MCM6: variants seen among roughly 807,000 people sequenced by gnomAD.
MCM6 encodes the protein DNA replication licensing factor MCM6.
In MCM6, 46 loss-of-function variants were observed where a neutral mutation model predicts 94.3. The observed-to-expected ratio is 0.49, with a 90% CI of 0.39 to 0.62. The LOEUF is 0.62. Ranked by LOEUF, MCM6 falls within the 20% of genes least tolerant of loss-of-function variation. The pLI is 0.00. For synonymous variants in MCM6, 335 were observed against 351.9 expected (o/e 0.95, Z 0.54); for missense variants, 865 against 1,017.9 (o/e 0.85, Z 2.04).
intron 14 of MCM6, among the ~76,000 whole-genome samples, chr2:135,847,609 G>C (rs1558754708): frequency 6.6e-6 from 1 of 152,108 alleles, no homozygotes; most frequent in Non-Finnish European, 1.5e-5. Context: ...TGTCACCCAG[G>C]CTGGAGTGCA....
At chr2:135,853,150 T>A (rs1679808145) in intron 11 of MCM6, among the ~76,000 whole-genome samples, 1 of 152,198 alleles carries the variant, frequency 6.6e-6, no homozygotes, top group South Asian at 2.1e-4. Context: ...TGATTGGCTT[T>A]AAAAACAATA....
At position 135,870,371 on chromosome 2, in the gene MCM6, A is replaced by G. The variant is rs1413339447; in HGVS notation, c.255-10T>C. The G allele has an allele frequency of 5.6e-6, 9 of 1,603,134 alleles. No homozygotes were observed. The highest frequency in any genetic ancestry group is 4.3e-6 in the Non-Finnish European group (5 of 1,170,330). Reference sequence around the variant, plus strand: ...CAGGTAAGGGTAAACTCTGAAAAACAAAAAAGTCAGCTGATACCTTAGAGG... The same window carrying G: ...CAGGTAAGGGTAAACTCTGAAAAACGAAAAAGTCAGCTGATACCTTAGAGG... On this transcript the variant is annotated splice_polypyrimidine_tract_variant and intron_variant, in intron 2 of 16. Coordinates refer to ENST00000264156, the MANE Select transcript of MCM6 (RefSeq NM_005915.6).
intron 2 of MCM6, among the ~76,000 whole-genome samples, chr2:135,871,373 T>C (rs912169368): frequency 2.6e-5 from 4 of 152,170 alleles, no homozygotes; most frequent in Non-Finnish European, 4.4e-5. Flanking sequence ...TCACAATAAA[T>C]CCTGTTGCTT....
intron 1 of MCM6, among the ~76,000 whole-genome samples, chr2:135,875,740 C>A (rs951294328): frequency 2.6e-5 from 4 of 152,218 alleles, no homozygotes; most frequent in Non-Finnish European, 4.4e-5. Flanking sequence ...GGGCTCCGCC[C>A]CCCAGCAGCT....
In MCM6 at chr2:135,839,801, T is replaced by C. The variant is rs1679534285; in HGVS notation, c.*1034A>G. ...TCTGTCTTGCTTTCTACTAATAGAT[T>C]TCTGGCTGCTCAAATTCACATTGCA... is the stretch of plus-strand genomic sequence containing the variant. On this transcript the variant is annotated 3_prime_UTR_variant, in exon 17 of 17. Coordinates refer to ENST00000264156, the MANE Select transcript of MCM6 (RefSeq NM_005915.6). The C allele has an allele frequency of 6.6e-6, 1 of 152,226 alleles. No homozygotes were observed. Among genetic ancestry groups the C allele is most frequent in the African/African-American group, 2.4e-5 (1 of 41,466 alleles). 9.4% of individuals were successfully genotyped at this position (152,226 alleles called of 1,614,324 possible). A position where few individuals can be genotyped will look rare whatever the true frequency, so the allele number is the denominator to read the frequency against.
At chr2:135,870,064 A>G (rs1430202571) in intron 3 of MCM6, among the ~76,000 whole-genome samples, 187 bp downstream of exon 3, 1 of 152,248 alleles carries the variant, frequency 6.6e-6, no homozygotes, top group Non-Finnish European at 1.5e-5. Flanking sequence ...TGATTTAGGT[A>G]GAAAACCTAA....
chr2:135,844,798 G>A (rs531890611), intron 15 of MCM6, 114 bp from the exon 16 acceptor site: 29 of 1,102,060 alleles, frequency 2.6e-5, no homozygotes, highest in Admixed American at 6.1e-5. Context: ...ATGTCAAGCC[G>A]TCCGAAAGTA....
chr2:135,868,822 G>T lies in MCM6; in HGVS notation c.404C>A (p.Thr135Asn). ...ELTSSRIGLL[T>N]RISGQVVRTH... ...CCGCACCACCTGCCCACTGATGCGA[G>T]TGAGCAAACCAATTCTGGATGAGGT... The change falls in exon 4 of 17, where the codon ACT (threonine) becomes AAT (asparagine). Residue 135 changes from threonine (T) to asparagine (N), a missense_variant. Physicochemically the swap from Thr to Asn is moderately conservative, Grantham distance 65. This residue lies in a region of MCM6 where 404 missense variants were observed against 451.9 expected (regional missense o/e 0.89). Coordinates refer to ENST00000264156, the MANE Select transcript of MCM6 (RefSeq NM_005915.6). 6.2e-7 allele frequency: 1 copy of T among 1,614,156 alleles called. No individual in the cohort carries two copies. The highest frequency in any genetic ancestry group is 1.1e-5 in the South Asian group (1 of 91,090).
chr2:135,842,642 G>A (rs1679596095), intron 16 of MCM6, among the ~76,000 whole-genome samples: 1 of 152,324 alleles, frequency 6.6e-6, no homozygotes, highest in East Asian at 1.9e-4. Context: ...AAGAGCAGAA[G>A]GCTACTATTT....
chr2:135,863,933 A>C (rs1331861298), intron 7 of MCM6, among the ~76,000 whole-genome samples: 1 of 152,144 alleles, frequency 6.6e-6, no homozygotes, highest in Non-Finnish European at 1.5e-5. Flanking sequence ...CAACATGGCG[A>C]AACACCATCT....
chr2:135,849,820 G>T (rs1575359393), intron 13 of MCM6, among the ~76,000 whole-genome samples: 1 of 152,156 alleles, frequency 6.6e-6, no homozygotes, highest in African/African-American at 2.4e-5. Flanking sequence ...AATAATGGGA[G>T]AATTTTTTAT....
At chr2:135,854,272 C>A (rs1040885475) in intron 11 of MCM6, among the ~76,000 whole-genome samples, 9 of 151,830 alleles carry the variant, frequency 5.9e-5, no homozygotes, top group Admixed American at 5.9e-4. Context: ...GTGGCTCACG[C>A]CTGTAACCTC....
intron 8 of MCM6, 100 bp downstream of exon 8, chr2:135,862,507 C>T: frequency 1.7e-6 from 2 of 1,210,202 alleles, no homozygotes; most frequent in South Asian, 1.5e-5. Context: ...TCATAATTTA[C>T]ACTCCTAGTA....
Position 135,858,003 on chromosome 2 carries a change from C to T in MCM6, c.1364G>A (p.Gly455Asp), listed in dbSNP as rs772202076. 1 of 1,612,930 alleles carries T rather than the reference C, an allele frequency of 6.2e-7. No homozygotes were observed. The highest frequency in any genetic ancestry group is 8.5e-7 in the Non-Finnish European group (1 of 1,179,678). ...ATCAAATTCATCAATACAACACACA[C>T]CCTGTAACCAAACAAATCAAGCCTA... is the stretch of plus-strand genomic sequence containing the variant. ...EAGALMLADN[G>D]VCCIDEFDKM... The change falls in exon 10 of 17, where the codon GGT (glycine) becomes GAT (aspartate). Residue 455 changes from glycine to aspartate, a missense_variant and splice_region_variant. This residue lies in a region of MCM6 where 153 missense variants were observed against 241.5 expected (regional missense o/e 0.63). Coordinates refer to ENST00000264156, the MANE Select transcript of MCM6 (RefSeq NM_005915.6).
intron 3 of MCM6, 91 bp from the exon 4 acceptor site, chr2:135,868,951 T>A: frequency 7.7e-7 from 1 of 1,306,260 alleles, no homozygotes; most frequent in South Asian, 1.4e-5. Flanking sequence ...AGATAATTTA[T>A]GTTTAAAAAA....
At chr2:135,845,911 C>G (rs963309903) in intron 15 of MCM6, among the ~76,000 whole-genome samples, 1 of 152,092 alleles carries the variant, frequency 6.6e-6, no homozygotes, top group Non-Finnish European at 1.5e-5. Flanking sequence ...TAAACAGAAC[C>G]ATTGTAAGGG....
intron 8 of MCM6, among the ~76,000 whole-genome samples, chr2:135,860,424 G>A (rs1301789782): frequency 1.3e-5 from 2 of 152,096 alleles, no homozygotes; most frequent in Non-Finnish European, 2.9e-5. Context: ...GTGAGCCACC[G>A]CGCCCAGCTA....
chr2:135,849,721 G>T (rs1206429635), intron 13 of MCM6, among the ~76,000 whole-genome samples: 4 of 152,188 alleles, frequency 2.6e-5, no homozygotes, highest in Admixed American at 6.5e-5. Flanking sequence ...ACACACACAA[G>T]AATATATAAT....
At chr2:135,847,572 T>C (rs56179960) in intron 14 of MCM6, among the ~76,000 whole-genome samples, 1,742 of 150,128 alleles carry the variant, frequency 0.012, 25 homozygotes, top group Admixed American at 0.027. Context: ...CAAATATCTA[T>C]GTATTTTTTG....
Sources: allele counts gnomAD v4.1 joint callset (sites outside exome capture counted in the v4.1 genomes callset), GRCh38; gene constraint gnomAD v4.1.1; regional missense constraint gnomAD v4.1.1; transcripts MANE v1.5; gene names NCBI Gene and HGNC (gene_info 2026-07-23, HGNC 2026-07-21).